The following TCF4 variants were observed in gnomAD, a reference collection of about 807,000 sequenced individuals.
TCF4 encodes SL3-3 enhancer factor 2.
TCF4 carries 3 observed loss-of-function variants against 82.1 expected under a neutral mutation model. The observed-to-expected ratio is 0.04, with a 90% CI of 0.02 to 0.09. The LOEUF (loss-of-function observed/expected upper bound fraction) is 0.09. Among genes scored for constraint, TCF4 ranks in the 10% least tolerant of loss-of-function variants. TCF4 has a pLI of 1.00. For missense variants in TCF4, 518 were observed against 852.7 expected (o/e 0.61, Z 4.89); for synonymous variants, 276 against 309.6 (o/e 0.89, Z 1.14).
At chr18:55,361,743 G>A (rs937713979) in intron 6 of TCF4, among the ~76,000 whole-genome samples, 1 of 152,142 alleles carries the variant, frequency 6.6e-6, no homozygotes, top group Admixed American at 6.5e-5. Flanking sequence ...ACCAGCCCAG[G>A]ATGCCACTCA....
intron 7 of TCF4, 151 bp downstream of exon 7, chr18:55,350,723 A>C: frequency 2.0e-6 from 2 of 977,580 alleles, no homozygotes; most frequent in Non-Finnish European, 3.1e-6. Context: ...TCAGTGTACT[A>C]GGGGGGAAGT....
At chr18:55,449,856 C>T (rs533306542) in intron 5 of TCF4, among the ~76,000 whole-genome samples, 7 of 151,956 alleles carry the variant, frequency 4.6e-5, no homozygotes, top group East Asian at 1.9e-4. Context: ...ATATGGCCCA[C>T]GAGGGGGTGG....
At chr18:55,450,123 T>C (rs1384979593) in intron 5 of TCF4, among the ~76,000 whole-genome samples, 1 of 152,214 alleles carries the variant, frequency 6.6e-6, no homozygotes, top group Non-Finnish European at 1.5e-5. Flanking sequence ...GTCACAGAAC[T>C]GGAGAGTGGT....
chr18:55,520,605 A>C (rs1157104527), intron 3 of TCF4, among the ~76,000 whole-genome samples: 3 of 152,188 alleles, frequency 2.0e-5, no homozygotes, highest in Non-Finnish European at 2.9e-5. Flanking sequence ...ATTGAGTTAC[A>C]TTTTTCCCTG....
intron 3 of TCF4, among the ~76,000 whole-genome samples, chr18:55,480,799 T>A (rs965575117): frequency 1.3e-5 from 2 of 152,202 alleles, no homozygotes; most frequent in South Asian, 4.1e-4. Flanking sequence ...AAATCTGGCA[T>A]AGGCCAGGCG....
intron 6 of TCF4, among the ~76,000 whole-genome samples, chr18:55,402,832 G>C (rs973974122): frequency 2.0e-5 from 3 of 152,122 alleles, no homozygotes; most frequent in Non-Finnish European, 4.4e-5. Context: ...CTATACCTTT[G>C]TATTACACTG....
chr18:55,474,326 T>TGGA (rs1398307889), intron 3 of TCF4, among the ~76,000 whole-genome samples: 2 of 152,216 alleles, frequency 1.3e-5, no homozygotes, highest in African/African-American at 4.8e-5. Context: ...AAAGTTTTAG[T>TGGA]AAAGCATTTA....
At chr18:55,322,415 GGGGAGGGAAGAA>G (rs2075815389) in intron 8 of TCF4, 1 of 974,562 alleles carries the variant, frequency 1.0e-6, no homozygotes, top group Non-Finnish European at 1.2e-6. Context: ...GGGAGGGAAA[GGGGAGGGAAGAA>G]AAAAAAAAAA....
At chr18:55,343,115 T>C (rs2080372166) in intron 8 of TCF4, among the ~76,000 whole-genome samples, 1 of 152,140 alleles carries the variant, frequency 6.6e-6, no homozygotes, top group African/African-American at 2.4e-5. Context: ...ACTTTTTGTA[T>C]GTGTATGTGA....
chr18:55,420,078 C>T (rs1417417368), intron 5 of TCF4, among the ~76,000 whole-genome samples: 1 of 152,078 alleles, frequency 6.6e-6, no homozygotes, highest in Admixed American at 6.5e-5. Context: ...AGTGGAAATC[C>T]CATCACTTTA....
At chr18:55,529,492 T>C (rs1043780252) in intron 3 of TCF4, among the ~76,000 whole-genome samples, 20 of 152,240 alleles carry the variant, frequency 1.3e-4, no homozygotes, top group Non-Finnish European at 2.9e-4. Flanking sequence ...AATGGGGTCT[T>C]AACCACGATT....
At chr18:55,260,634 C>A (rs1300344271) in intron 12 of TCF4, among the ~76,000 whole-genome samples, 2 of 152,192 alleles carry the variant, frequency 1.3e-5, no homozygotes, top group African/African-American at 4.8e-5. Context: ...TCTCAGCTCA[C>A]TGCAACCTCT....
At chr18:55,450,259 TTAAACA>T (rs1477090500) in intron 5 of TCF4, among the ~76,000 whole-genome samples, 1 of 152,206 alleles carries the variant, frequency 6.6e-6, no homozygotes, top group African/African-American at 2.4e-5. Context: ...ATGTTTTATC[TTAAACA>T]TAAACAATAT....
chr18:55,353,355 G>A (rs1487743060), intron 6 of TCF4, among the ~76,000 whole-genome samples: 1 of 152,142 alleles, frequency 6.6e-6, no homozygotes, highest in African/African-American at 2.4e-5. Flanking sequence ...ACATATGCAG[G>A]CGCAAGGACT....
chr18:55,405,674 C>A (rs1239901903), intron 5 of TCF4, among the ~76,000 whole-genome samples: 2 of 151,576 alleles, frequency 1.3e-5, no homozygotes, highest in African/African-American at 4.9e-5. Flanking sequence ...GATAAAAGGG[C>A]AGGATTTTAA....
chr18:55,598,732 G>A lies in TCF4; in HGVS notation c.287-11596C>T, dbSNP rs571798011. Among the ~76,000 whole-genome samples the A allele has an allele frequency of 1.5e-4, 23 of 152,320 alleles. No individual in the cohort carries two copies. In the East Asian group the frequency reaches 4.4e-3, roughly 29 times the overall value. ...TTAGCAGAAAAGCCATCAGGGTTGC[G>A]AAGCAATAGAAAAATCAATTCAAAC... On this transcript the variant is annotated intron_variant, in intron 2 of 20. Transcript: ENST00000398339.
intron 6 of TCF4, among the ~76,000 whole-genome samples, chr18:55,362,031 C>T (rs1438716695): frequency 2.0e-5 from 3 of 152,186 alleles, no homozygotes; most frequent in African/African-American, 7.2e-5. Context: ...GGAAATCTCA[C>T]ATCTGAAATT....
chr18:55,297,170 T>TTTTTTTTTA, intron 8 of TCF4, among the ~76,000 whole-genome samples: 1 of 97,982 alleles, frequency 1.0e-5, no homozygotes, highest in Non-Finnish European at 2.0e-5. Flanking sequence ...TTTTTTTTTT[T>TTTTTTTTTA]ATCCCTTAGG....
At chr18:55,552,458 G>A (rs2097268174) in intron 3 of TCF4, among the ~76,000 whole-genome samples, 1 of 152,160 alleles carries the variant, frequency 6.6e-6, no homozygotes. Flanking sequence ...ACTGACTTGT[G>A]ACCAATTTTT....
Sources: allele counts gnomAD v4.1 joint callset (sites outside exome capture counted in the v4.1 genomes callset), GRCh38; gene constraint gnomAD v4.1.1; transcripts MANE v1.5; gene names NCBI Gene and HGNC (gene_info 2026-07-23, HGNC 2026-07-21).